The following FZD3 variants were observed in gnomAD, a reference collection of about 807,000 sequenced individuals.
FZD3 encodes frizzled-3.
Under a neutral mutation model 60.7 loss-of-function variants are expected in FZD3, and 30 were observed. That is an observed-to-expected ratio of 0.49 (90% CI 0.37 to 0.67). FZD3 has a LOEUF of 0.67. FZD3 is among the 30% of genes least tolerant of loss of function. The probability of loss-of-function intolerance (pLI) is 0.00; values close to 1 mark genes in which losing one functional copy is unlikely to be tolerated. For synonymous variants in FZD3, 246 were observed against 275.2 expected, an observed-to-expected ratio of 0.89 and a Z score of 1.05; for missense variants, 605 against 838.7, an observed-to-expected ratio of 0.72 and a Z score of 3.44.
rs946108068 is a variant in FZD3 at position 28,571,538 on chromosome 8, G to A, written c.*8527G>A. ...CAGGTGCTATTTCTACCTTAGCTGTGAGTTAGACTAAATCCAAATTTCGTA... is the reference window on the plus strand; with the variant it reads ...CAGGTGCTATTTCTACCTTAGCTGTAAGTTAGACTAAATCCAAATTTCGTA... On this transcript the variant is annotated 3_prime_UTR_variant, in exon 8 of 8. Transcript: ENST00000240093. The A allele has an allele frequency of 2.0e-5, 3 of 152,126 alleles. No individual in the cohort carries two copies. The highest frequency in any genetic ancestry group is 2.1e-4 in the South Asian group (1 of 4,822). The allele number at this position is 152,126 out of a possible 1,614,324, so 9.4% of individuals were successfully genotyped here.
chr8:28,536,188 T>C (rs1365548366), intron 5 of FZD3, among the ~76,000 whole-genome samples: 1 of 152,238 alleles, frequency 6.6e-6, no homozygotes. Flanking sequence ...CTAGAGTCAT[T>C]TTTTTCTTTT....
At chr8:28,522,444 C>T (rs1804606823) in intron 4 of FZD3, among the ~76,000 whole-genome samples, 1 of 151,988 alleles carries the variant, frequency 6.6e-6, no homozygotes, top group Non-Finnish European at 1.5e-5. Context: ...CCTATTTTAC[C>T]TTCCCTTTTG....
rs1805844571 is a variant in FZD3 at position 28,573,628 on chromosome 8, GA to G, written c.*10618del. ...GATCTCCTTCACCCTCATTCTACCTGACAGACAGCTAGGTCTGTCTTCCAGC... is the reference window on the plus strand; with the variant it reads ...GATCTCCTTCACCCTCATTCTACCTGCAGACAGCTAGGTCTGTCTTCCAGC... On this transcript the variant is annotated 3_prime_UTR_variant, in exon 8 of 8. Transcript: ENST00000240093. 6.8e-6 allele frequency: 1 copy of G among 147,572 alleles called. No homozygotes were observed. Among genetic ancestry groups the G allele is most frequent in the Non-Finnish European group, 1.5e-5 (1 of 67,050 alleles). The allele number at this position is 147,572 out of a possible 1,614,324, so 9.1% of individuals were successfully genotyped here. A position where few individuals can be genotyped will look rare whatever the true frequency, so the allele number is the denominator to read the frequency against.
intron 1 of FZD3, among the ~76,000 whole-genome samples, chr8:28,494,871 C>T (rs1186835500): frequency 1.3e-5 from 2 of 152,156 alleles, no homozygotes; most frequent in Non-Finnish European, 2.9e-5. Flanking sequence ...AGGCTCCCGG[C>T]CCCGGCTCGG....
At chr8:28,496,021 TC>T (rs1803835438) in intron 1 of FZD3, among the ~76,000 whole-genome samples, 1 of 152,252 alleles carries the variant, frequency 6.6e-6, no homozygotes, top group African/African-American at 2.4e-5. Flanking sequence ...ATGAGCTGTT[TC>T]CTCATCCTAG....
chr8:28,528,443 T>G (rs1804776670), intron 5 of FZD3, among the ~76,000 whole-genome samples: 1 of 152,036 alleles, frequency 6.6e-6, no homozygotes, highest in Admixed American at 6.6e-5. Flanking sequence ...AGTGTGCAGT[T>G]TCGTGGGGGA....
chr8:28,556,202 A>G (rs1248317994), intron 7 of FZD3, among the ~76,000 whole-genome samples: 1 of 152,220 alleles, frequency 6.6e-6, no homozygotes, highest in Admixed American at 6.5e-5. Flanking sequence ...GGGAAAAGAC[A>G]GGGTAAAAGT....
chr8:28,558,138 G>A (rs1050452143), intron 7 of FZD3, among the ~76,000 whole-genome samples: 1 of 152,176 alleles, frequency 6.6e-6, no homozygotes, highest in South Asian at 2.1e-4. Context: ...TGAGGAGTTT[G>A]CATTTTTCCT....
At chr8:28,548,117 C>T (rs771845491) in intron 5 of FZD3, among the ~76,000 whole-genome samples, 8 of 151,746 alleles carry the variant, frequency 5.3e-5, no homozygotes, top group Admixed American at 2.6e-4. Flanking sequence ...CCTCCGAAAG[C>T]GCTGGGATTA....
intron 4 of FZD3, among the ~76,000 whole-genome samples, chr8:28,522,921 C>G (rs1026267346): frequency 6.6e-6 from 1 of 152,094 alleles, no homozygotes; most frequent in Admixed American, 6.5e-5. Flanking sequence ...AGGTGCCCAC[C>G]ACCACATCCA....
intron 5 of FZD3, among the ~76,000 whole-genome samples, chr8:28,548,771 T>A (rs1301648967): frequency 2.0e-5 from 3 of 152,062 alleles, no homozygotes; most frequent in African/African-American, 7.2e-5. Context: ...CTCTTGGTAT[T>A]TTTTTTGGAA....
chr8:28,538,164 A>G (rs960435559), intron 5 of FZD3, among the ~76,000 whole-genome samples: 1 of 151,070 alleles, frequency 6.6e-6, no homozygotes, highest in African/African-American at 2.4e-5. Context: ...ATAATCTAGT[A>G]CTGTTATCAC....
chr8:28,524,603 C>T (rs1804668390), intron 4 of FZD3, among the ~76,000 whole-genome samples: 2 of 152,152 alleles, frequency 1.3e-5, no homozygotes. Context: ...TCTCAATTTC[C>T]TTCTCGGATC....
chr8:28,561,060 T>C (rs988477506), intron 7 of FZD3, among the ~76,000 whole-genome samples: 5 of 152,162 alleles, frequency 3.3e-5, no homozygotes, highest in Admixed American at 2.0e-4. Flanking sequence ...ACAAAATACA[T>C]GTTTTTGTTT....
chr8:28,547,460 G>C (rs1297477358), intron 5 of FZD3, among the ~76,000 whole-genome samples: 1 of 152,134 alleles, frequency 6.6e-6, no homozygotes, highest in Non-Finnish European at 1.5e-5. Context: ...GATAGACATA[G>C]CCAAATTGTC....
In FZD3 at chr8:28,565,915, TTCTC is replaced by T. The variant is rs909052608; in HGVS notation, c.*2908_*2911del. 1.3e-5 allele frequency: 2 copies of T among 152,136 alleles called. No homozygotes were observed. The allele number at this position is 152,136 out of a possible 1,614,324, so 9.4% of individuals were successfully genotyped here. A position where few individuals can be genotyped will look rare whatever the true frequency, so the allele number is the denominator to read the frequency against. On this transcript the variant is annotated 3_prime_UTR_variant, in exon 8 of 8. Transcript: ENST00000240093. ...CAGTTGACAACTGAGAAAATAATAG[TTCTC>T]TCTAACATGTTAATATATTATCAAA... is the stretch of plus-strand genomic sequence containing the variant.
In FZD3 at chr8:28,568,975, T is replaced by A. The variant is rs1049875254; in HGVS notation, c.*5964T>A. On this transcript the variant is annotated 3_prime_UTR_variant, in exon 8 of 8. Coordinates refer to ENST00000240093, the MANE Select transcript of FZD3 (RefSeq NM_017412.4). ...TTTTTTACCTTGAAATAATTCAGATTTTGAAGATTCACTGTTTCATTATTT... is the reference window on the plus strand; with the variant it reads ...TTTTTTACCTTGAAATAATTCAGATATTGAAGATTCACTGTTTCATTATTT... The A allele has an allele frequency of 3.3e-5, 5 of 152,156 alleles. No individual in the cohort carries two copies. Among genetic ancestry groups the A allele is most frequent in the Non-Finnish European group, 7.4e-5 (5 of 67,998 alleles). 9.4% of individuals were successfully genotyped at this position (152,156 alleles called of 1,614,324 possible). A position where few individuals can be genotyped will look rare whatever the true frequency, so the allele number is the denominator to read the frequency against.
At chr8:28,533,536 C>T (rs1273088565) in intron 5 of FZD3, among the ~76,000 whole-genome samples, 1 of 152,156 alleles carries the variant, frequency 6.6e-6, no homozygotes, top group Admixed American at 6.5e-5. Flanking sequence ...TGGTCATTCA[C>T]ACTCATTCTG....
intron 3 of FZD3, among the ~76,000 whole-genome samples, chr8:28,508,828 G>A (rs1804211228): frequency 6.6e-6 from 1 of 152,178 alleles, no homozygotes; most frequent in Non-Finnish European, 1.5e-5. Context: ...CCTGGCCATG[G>A]ATTTTATTTA....
Sources: gnomAD v4.1 joint callset for allele counts (sites outside exome capture counted in the v4.1 genomes callset) on GRCh38, gnomAD v4.1.1 for gene constraint, MANE v1.5 for transcripts, NCBI Gene and HGNC (gene_info 2026-07-23, HGNC 2026-07-21) for gene names.